Variants in TRAK1 observed in about 807,000 individuals in gnomAD.
TRAK1 encodes the protein trafficking kinesin protein 1, also known as trafficking kinesin-binding protein 1.
In TRAK1, 33 loss-of-function variants were observed where a neutral mutation model predicts 92.1. The ratio of observed to expected loss-of-function variants is 0.36; its 90% CI spans 0.27 to 0.48. The LOEUF (loss-of-function observed/expected upper bound fraction) is 0.48, where lower values mean the gene tolerates loss of function less well. TRAK1 is among the 20% of genes least tolerant of loss of function. The probability of loss-of-function intolerance (pLI) is 0.99; values close to 1 mark genes in which losing one functional copy is unlikely to be tolerated. For synonymous variants in TRAK1, 521 were observed against 517.3 expected (o/e 1.01, Z -0.10); for missense variants, 1,123 against 1,257.9 (o/e 0.89, Z 1.62).
At chr3:42,218,944 A>G in intron 14 of TRAK1, 2 of 985,276 alleles carry the variant, frequency 2.0e-6, no homozygotes, top group Non-Finnish European at 2.4e-6. Flanking sequence ...CTCCCACCAT[A>G]ACAATCACAA....
chr3:42,202,941 C>T lies in TRAK1; in HGVS notation c.1744+189C>T, dbSNP rs916686677. 1.4e-6 allele frequency: 2 copies of T among 1,402,590 alleles called. No individual in the cohort carries two copies. The highest frequency in any genetic ancestry group is 1.6e-5 in the South Asian group (1 of 60,834). The allele number at this position is 1,402,590 out of a possible 1,614,324, so 86.9% of individuals were successfully genotyped here. On this transcript the variant is annotated intron_variant, in intron 13 of 15. Coordinates refer to ENST00000327628, the MANE Select transcript of TRAK1 (RefSeq NM_001042646.3). The surrounding 1 kb of genome is among the most constrained non-coding windows in gnomAD (Gnocchi z 6.1). Reference sequence around the variant, plus strand: ...CTAGGCCTCCGTCCCTCCCCTCTGGCTGGCAGGTGTGACAATGCACACATA... The same window carrying T: ...CTAGGCCTCCGTCCCTCCCCTCTGGTTGGCAGGTGTGACAATGCACACATA...
chr3:42,053,370 T>A (rs1703058019), intron 1 of TRAK1, among the ~76,000 whole-genome samples: 3 of 2,778 alleles, frequency 1.1e-3, no homozygotes, highest in African/African-American at 2.5e-3. Flanking sequence ...CCATTCAGAG[T>A]CGGGTGGGGG....
At chr3:42,132,244 GTTT>G (rs113813133) in intron 2 of TRAK1, among the ~76,000 whole-genome samples, 5 of 138,516 alleles carry the variant, frequency 3.6e-5, no homozygotes, top group African/African-American at 2.7e-5. Context: ...TATGTTTTTT[GTTT>G]TTTTTTTTTT....
intron 2 of TRAK1, among the ~76,000 whole-genome samples, chr3:42,147,987 A>G (rs959461057): frequency 2.0e-5 from 3 of 151,546 alleles, no homozygotes; most frequent in African/African-American, 4.9e-5. Context: ...TTAAATTTCT[A>G]TTTTACACAC....
intron 1 of TRAK1, among the ~76,000 whole-genome samples, chr3:42,056,109 C>T (rs1202852101): frequency 6.6e-6 from 1 of 152,134 alleles, no homozygotes; most frequent in East Asian, 1.9e-4. Flanking sequence ...ATTATTTCCA[C>T]TTTTTGGCTA....
chr3:42,168,662 AACCTCCACCTCCTGGGCTCACCC>A (rs1414691968), intron 2 of TRAK1, among the ~76,000 whole-genome samples: 1 of 152,088 alleles, frequency 6.6e-6, no homozygotes, highest in Non-Finnish European at 1.5e-5. Context: ...GGCTCACTGC[AACCTCCACCTCCTGGGCTCACCC>A]ACCTCAGCCT....
chr3:42,053,795 G>A (rs988120991), intron 1 of TRAK1, among the ~76,000 whole-genome samples: 5 of 152,174 alleles, frequency 3.3e-5, no homozygotes, highest in South Asian at 2.1e-4. Flanking sequence ...CCCACGTGCC[G>A]AGGGCTACCT....
At chr3:42,184,143 C>T (rs1474690623) in intron 3 of TRAK1, among the ~76,000 whole-genome samples, 1 of 152,158 alleles carries the variant, frequency 6.6e-6, no homozygotes, top group Non-Finnish European at 1.5e-5. Flanking sequence ...TAACTTTAAA[C>T]ATTTTTGTTT....
At chr3:42,211,769 T>A (rs1299161082) in intron 14 of TRAK1, 1 of 985,350 alleles carries the variant, frequency 1.0e-6, no homozygotes. Flanking sequence ...CTGGCCACTC[T>A]CCTTAAAATA....
At chr3:42,200,340 A>C (rs1707351064) in intron 11 of TRAK1, among the ~76,000 whole-genome samples, 1 of 152,250 alleles carries the variant, frequency 6.6e-6, no homozygotes, top group South Asian at 2.1e-4. Flanking sequence ...TTATTATAGA[A>C]GTGAAAGACT....
chr3:42,162,744 T>C (rs900216534), intron 2 of TRAK1, among the ~76,000 whole-genome samples: 2 of 152,222 alleles, frequency 1.3e-5, no homozygotes, highest in Non-Finnish European at 2.9e-5. Flanking sequence ...GACCAGTTCC[T>C]GTCAGCAAAA....
Position 42,217,267 on chromosome 3 carries a change from G to A in TRAK1, c.1964-2227G>A, listed in dbSNP as rs573180380. 2.7e-5 allele frequency: 27 copies of A among 985,300 alleles called. No individual in the cohort carries two copies. The African/African-American group carries it at 4.7e-4, about 17-fold the overall frequency. 61.0% of individuals were successfully genotyped at this position (985,300 alleles called of 1,614,324 possible). ...GGAAGGGAGGTGCAGCAGCATCCTG[G>A]CAGTCAGTGGTGACATGCGGAGAGC... On this transcript the variant is annotated intron_variant, in intron 14 of 15. Coordinates refer to ENST00000327628, the MANE Select transcript of TRAK1 (RefSeq NM_001042646.3).
chr3:42,049,477 C>A (rs1201743706), intron 1 of TRAK1, among the ~76,000 whole-genome samples: 2 of 151,824 alleles, frequency 1.3e-5, no homozygotes, highest in African/African-American at 4.8e-5. Flanking sequence ...TTTTCCATCA[C>A]CCATTTCTTA....
upstream of TRAK1, among the ~76,000 whole-genome samples, chr3:42,089,405 C>T (rs1352516828): frequency 1.3e-5 from 2 of 152,156 alleles, no homozygotes; most frequent in Non-Finnish European, 2.9e-5. Context: ...GCTTTTAATA[C>T]AATCAGATGG....
chr3:42,137,581 A>G (rs771612185), intron 2 of TRAK1, among the ~76,000 whole-genome samples: 1 of 152,228 alleles, frequency 6.6e-6, no homozygotes, highest in African/African-American at 2.4e-5. Context: ...ACTCAAAGTT[A>G]TCAAGAGATC....
At chr3:42,017,802 A>G (rs1701580285) in intron 1 of TRAK1, among the ~76,000 whole-genome samples, 1 of 152,068 alleles carries the variant, frequency 6.6e-6, no homozygotes, top group Non-Finnish European at 1.5e-5. Context: ...GTGGGAGGGG[A>G]GCTCTTGAAA....
At position 42,200,928 on chromosome 3, in the gene TRAK1, T is replaced by C. The variant is rs769911165; in HGVS notation, c.1301T>C (p.Met434Thr). Residue 434 changes from methionine (M) to threonine (T), a missense_variant, in exon 12 of 16, where the codon ATG (methionine) becomes ACG (threonine). By Grantham distance (81) the Met-to-Thr change is moderately conservative. This residue lies in a region of TRAK1 where 686 missense variants were observed against 747.6 expected (regional missense o/e 0.92). Transcript: ENST00000327628. ...NIPGSNQSSA[M>T]NSLLSSCVST... ...CCCGGCTCCAACCAGTCCTCGGCCA[T>C]GAACTCCCTCCTGTCCAGCTGCGTC... The C allele has an allele frequency of 3.7e-6, 6 of 1,614,216 alleles. No homozygotes were observed. In the East Asian group the frequency reaches 1.3e-4, roughly 36 times the overall value.
At chr3:42,149,451 T>C (rs746240836) in intron 2 of TRAK1, 77 of 1,530,208 alleles carry the variant, frequency 5.0e-5, no homozygotes, top group Non-Finnish European at 5.9e-5. Context: ...TCCAGTATTC[T>C]GGAAGGGCGG....
At chr3:42,062,875 G>C (rs367728392) in intron 1 of TRAK1, among the ~76,000 whole-genome samples, 1 of 152,170 alleles carries the variant, frequency 6.6e-6, no homozygotes, top group Non-Finnish European at 1.5e-5. Flanking sequence ...CAGTGAAGGC[G>C]TGTTTGTCTT....
Sources: allele counts gnomAD v4.1 joint callset (sites outside exome capture counted in the v4.1 genomes callset), GRCh38; gene constraint gnomAD v4.1.1; regional missense constraint gnomAD v4.1.1; non-coding constraint Gnocchi (gnomAD v3.1); transcripts MANE v1.5; gene names NCBI Gene and HGNC (gene_info 2026-07-23, HGNC 2026-07-21).